WASHC5: variants seen among roughly 807,000 people sequenced by gnomAD.
WASHC5 encodes the protein WASH complex subunit strumpellin.
Under a neutral mutation model 150.4 loss-of-function variants are expected in WASHC5, and 101 were observed. The observed-to-expected ratio is 0.67, with a 90% CI of 0.57 to 0.79. The LOEUF is 0.79. Ranked by LOEUF, WASHC5 falls within the 30% of genes least tolerant of loss-of-function variation. The probability of loss-of-function intolerance (pLI) is 0.00; values close to 1 mark genes in which losing one functional copy is unlikely to be tolerated. For synonymous variants in WASHC5, 467 were observed against 491.2 expected (o/e 0.95, Z 0.65); for missense variants, 1,195 against 1,396.3 (o/e 0.86, Z 2.30).
In WASHC5 at chr8:125,073,214, C is replaced by G. The variant is rs367668224; in HGVS notation, c.1089G>C (p.Leu363=). Residue 363 remains leucine, a synonymous_variant, in exon 9 of 29, where the codon CTG becomes CTC. Coordinates refer to ENST00000318410, the MANE Select transcript of WASHC5 (RefSeq NM_014846.4). ...EMVLDNIPKL[L]NCLRDCNVAI... is the part of the protein sequence containing the mutation. Reference sequence around the variant, plus strand: ...CAACATTGCAGTCTCTCAGGCAGTTCAGAAGCTTTGGGATATTGTCCAGAA... The same window carrying G: ...CAACATTGCAGTCTCTCAGGCAGTTGAGAAGCTTTGGGATATTGTCCAGAA... The G allele has an allele frequency of 6.2e-7, 1 of 1,614,128 alleles. No individual in the cohort carries two copies. The highest frequency in any genetic ancestry group is 1.1e-5 in the South Asian group (1 of 91,084).
chr8:125,067,518 A>C, intron 10 of WASHC5, 74 bp downstream of exon 10: 1 of 1,256,542 alleles, frequency 8.0e-7, no homozygotes. Flanking sequence ...AAGCAATCCT[A>C]GTCTTTTTTT....
chr8:125,044,531 C>T lies in WASHC5; in HGVS notation c.2667+5G>A. 1 of 1,613,896 alleles carries T rather than the reference C, an allele frequency of 6.2e-7. No individual in the cohort carries two copies. Among genetic ancestry groups the T allele is most frequent in the South Asian group, 1.1e-5 (1 of 91,088 alleles). ...GAAAACAGGCATGAAAGTCAAAAGG[C>T]TCACCTGTAACTCTTTTACAATCAT... On this transcript the variant is annotated splice_donor_5th_base_variant and intron_variant, in intron 21 of 28. Transcript: ENST00000318410.
chr8:125,067,648 T>C lies in WASHC5; in HGVS notation c.1222A>G (p.Arg408Gly). ...QILTDSRYNP[R>G]ILFQLLLDTA... ...TCTAACAGCAGCTGGAAGAGGATCC[T>C]GGGATTGTACCGAGAGTCTGTTAGA... Residue 408 changes from arginine (R) to glycine (G), a missense_variant, in exon 10 of 29, where the codon AGG (arginine) becomes GGG (glycine). Around this residue, in one of 3 missense-constraint regions of WASHC5, gnomAD observed 997 missense variants for 1,168.1 expected, o/e 0.85. Coordinates refer to ENST00000318410, the MANE Select transcript of WASHC5 (RefSeq NM_014846.4). 1.2e-6 allele frequency: 2 copies of C among 1,613,554 alleles called. No individual in the cohort carries two copies. The highest frequency in any genetic ancestry group is 1.7e-6 in the Non-Finnish European group (2 of 1,179,468).
At chr8:125,070,102 A>C (rs970739089) in intron 9 of WASHC5, among the ~76,000 whole-genome samples, 1 of 152,216 alleles carries the variant, frequency 6.6e-6, no homozygotes, top group Non-Finnish European at 1.5e-5. Flanking sequence ...TTGGGGTCAA[A>C]CTTCAGTAGC....
chr8:125,054,014 CAGT>C (rs1190390997), intron 17 of WASHC5, among the ~76,000 whole-genome samples: 1 of 152,184 alleles, frequency 6.6e-6, no homozygotes, highest in Non-Finnish European at 1.5e-5. Context: ...CAACATCCAT[CAGT>C]GGTGGAATAG....
chr8:125,084,456 T>C (rs1817360186), intron 1 of WASHC5, among the ~76,000 whole-genome samples: 1 of 150,736 alleles, frequency 6.6e-6, no homozygotes, highest in African/African-American at 2.4e-5. Flanking sequence ...GAAATGGAAC[T>C]GCAAGCTTAA....
intron 1 of WASHC5, among the ~76,000 whole-genome samples, chr8:125,086,204 C>G (rs78106994): frequency 0.027 from 4,118 of 152,274 alleles, 205 homozygotes; most frequent in African/African-American, 0.095. Context: ...GAGGCGAGAA[C>G]TTCAAGATCA....
intron 17 of WASHC5, among the ~76,000 whole-genome samples, chr8:125,055,311 T>C (rs1354221755): frequency 1.3e-5 from 2 of 152,002 alleles, no homozygotes; most frequent in African/African-American, 4.8e-5. Context: ...TAGTACCAAC[T>C]ACTTGGGGGG....
intron 16 of WASHC5, 109 bp from the exon 17 acceptor site, chr8:125,055,780 C>A (rs1563620789): frequency 7.7e-6 from 6 of 775,976 alleles, no homozygotes; most frequent in African/African-American, 6.8e-5. Context: ...TCCACATATT[C>A]TGGACAGAAA....
intron 28 of WASHC5, among the ~76,000 whole-genome samples, chr8:125,026,534 T>G (rs1231192003): frequency 6.6e-6 from 1 of 151,990 alleles, no homozygotes; most frequent in Non-Finnish European, 1.5e-5. Flanking sequence ...TTCGGCTAAT[T>G]TATTTGTTTC....
chr8:125,078,601 T>C (rs1024107690), intron 6 of WASHC5, 137 bp downstream of exon 6: 1 of 695,310 alleles, frequency 1.4e-6, no homozygotes, highest in Admixed American at 2.2e-5. Context: ...CATCCTGGGG[T>C]GTAGCTCAAA....
chr8:125,081,368 C>G (rs1198052790), intron 5 of WASHC5, among the ~76,000 whole-genome samples: 1 of 151,266 alleles, frequency 6.6e-6, no homozygotes, highest in Non-Finnish European at 1.5e-5. Flanking sequence ...CTCCTGAGTA[C>G]CTGGAATTAC....
At chr8:125,025,348 AG>A (rs1323049726) in intron 28 of WASHC5, among the ~76,000 whole-genome samples, 2 of 152,150 alleles carry the variant, frequency 1.3e-5, no homozygotes, top group African/African-American at 4.8e-5. Context: ...CAGTGGGTGG[AG>A]GGCAAGGGGA....
chr8:125,037,679 G>A (rs1397673010), intron 25 of WASHC5, among the ~76,000 whole-genome samples: 1 of 152,130 alleles, frequency 6.6e-6, no homozygotes, highest in Non-Finnish European at 1.5e-5. Flanking sequence ...GGAAGAGCTG[G>A]AGGTGAATAT....
intron 10 of WASHC5, among the ~76,000 whole-genome samples, chr8:125,064,971 C>A (rs116181395): frequency 6.6e-6 from 1 of 152,104 alleles, no homozygotes; most frequent in South Asian, 2.1e-4. Context: ...CTGAGTCCCT[C>A]GGATCAATCA....
chr8:125,083,519 A>T (rs930797438), intron 2 of WASHC5, among the ~76,000 whole-genome samples, 194 bp downstream of exon 2: 1 of 152,192 alleles, frequency 6.6e-6, no homozygotes, highest in Non-Finnish European at 1.5e-5. Flanking sequence ...TAAAAATACA[A>T]TTATATTGTG....
At chr8:125,047,108 G>T in intron 20 of WASHC5, 99 bp downstream of exon 20, 1 of 1,427,056 alleles carries the variant, frequency 7.0e-7, no homozygotes, top group Admixed American at 1.7e-5. Context: ...GACAAGTGCA[G>T]GACCCCCGTG....
At chr8:125,045,309 T>C (rs762601434) in intron 20 of WASHC5, among the ~76,000 whole-genome samples, 2 of 152,234 alleles carry the variant, frequency 1.3e-5, no homozygotes, top group African/African-American at 2.4e-5. Flanking sequence ...CACCAGGTGC[T>C]GTGTGTGCTA....
chr8:125,049,603 C>T (rs117519396), intron 18 of WASHC5, among the ~76,000 whole-genome samples: 15,833 of 145,998 alleles, frequency 0.11, 1,871 homozygotes, highest in African/African-American at 0.3. Context: ...TCTCGGCACT[C>T]TGGGAGGCTG....
Sources: gnomAD v4.1 joint callset for allele counts (sites outside exome capture counted in the v4.1 genomes callset) on GRCh38, gnomAD v4.1.1 for gene constraint, gnomAD v4.1.1 regional missense constraint, MANE v1.5 for transcripts, NCBI Gene and HGNC (gene_info 2026-07-23, HGNC 2026-07-21) for gene names.